Variants in NYAP2 observed in about 807,000 individuals in gnomAD.
NYAP2 encodes the protein neuronal tyrosine-phosphorylated phosphoinositide-3-kinase adapter 2.
Under a neutral mutation model 50.4 loss-of-function variants are expected in NYAP2, and 23 were observed. The observed-to-expected ratio is 0.46, with a 90% CI of 0.33 to 0.65. NYAP2 has a LOEUF of 0.65. Among genes scored for constraint, NYAP2 ranks in the 30% least tolerant of loss-of-function variants. NYAP2 has a pLI of 0.02. For synonymous variants in NYAP2, 394 were observed against 365.2 expected, an observed-to-expected ratio of 1.08 and a Z score of -0.90; for missense variants, 885 against 861.0, an observed-to-expected ratio of 1.03 and a Z score of -0.35.
At chr2:225,668,038 A>G in the NYAP2 span, among the ~76,000 whole-genome samples, 1 of 152,088 alleles carries the variant, frequency 6.6e-6, no homozygotes, top group Non-Finnish European at 1.5e-5. Flanking sequence ...AATCTCTACA[A>G]GGGCCCCAAT....
At chr2:225,644,325 T>C (rs1693588649) in intron 6 of NYAP2, among the ~76,000 whole-genome samples, 1 of 151,978 alleles carries the variant, frequency 6.6e-6, no homozygotes, top group Non-Finnish European at 1.5e-5. Context: ...GAGTTCATTG[T>C]AGATTCTGGA....
chr2:225,646,881 G>A (rs182282603), intron 6 of NYAP2, among the ~76,000 whole-genome samples: 1 of 152,240 alleles, frequency 6.6e-6, no homozygotes, highest in Non-Finnish European at 1.5e-5. Flanking sequence ...TGGGGGTAGA[G>A]CAAGACGTTT....
At chr2:225,465,470 A>C (rs1261273651) in intron 3 of NYAP2, among the ~76,000 whole-genome samples, 1 of 152,098 alleles carries the variant, frequency 6.6e-6, no homozygotes, top group African/African-American at 2.4e-5. Flanking sequence ...TAATCACAGC[A>C]CTTTGGGAGG....
intron 2 of NYAP2, among the ~76,000 whole-genome samples, chr2:225,401,254 C>T (rs1365802273): frequency 6.6e-6 from 1 of 152,030 alleles, no homozygotes; most frequent in African/African-American, 2.4e-5. Flanking sequence ...CCCTTACCCA[C>T]TTAGTTACAT....
chr2:225,600,665 A>C (rs1367114193), intron 5 of NYAP2, among the ~76,000 whole-genome samples: 1 of 152,184 alleles, frequency 6.6e-6, no homozygotes, highest in Non-Finnish European at 1.5e-5. Flanking sequence ...CATCAGTTTC[A>C]CAATCATCAC....
the NYAP2 span, chr2:225,702,584 T>C: frequency 6.6e-6 from 1 of 151,678 alleles, no homozygotes; most frequent in African/African-American, 2.4e-5. Context: ...AATATGTTTA[T>C]GTGTAAGCCT....
intron 2 of NYAP2, among the ~76,000 whole-genome samples, chr2:225,408,462 A>AATTGT (rs1201014938): frequency 1.4e-4 from 22 of 152,190 alleles, no homozygotes; most frequent in Admixed American, 1.4e-3. Flanking sequence ...TTTTACTTGA[A>AATTGT]ATTGAACAGA....
At chr2:225,623,058 A>G (rs1389095505) in intron 5 of NYAP2, among the ~76,000 whole-genome samples, 3 of 152,260 alleles carry the variant, frequency 2.0e-5, no homozygotes, top group Admixed American at 6.5e-5. Context: ...TAGACTTCAT[A>G]TACTTGATTT....
chr2:225,547,821 G>A (rs960915345), intron 4 of NYAP2, among the ~76,000 whole-genome samples: 5 of 152,164 alleles, frequency 3.3e-5, no homozygotes, highest in Non-Finnish European at 4.4e-5. Context: ...GCTATTTTGT[G>A]TGTAGACAGT....
At chr2:225,572,330 G>T (rs1692087452) in intron 4 of NYAP2, among the ~76,000 whole-genome samples, 2 of 152,150 alleles carry the variant, frequency 1.3e-5, no homozygotes, top group African/African-American at 4.8e-5. Context: ...ATAAAGAACT[G>T]CCTGAGACTG....
rs933063222 is a variant in NYAP2 at position 225,582,869 on chromosome 2, G to A, written c.1452G>A (p.Gly484=). 6.2e-7 allele frequency: 1 copy of A among 1,613,732 alleles called. No individual in the cohort carries two copies. The highest frequency in any genetic ancestry group is 8.5e-7 in the Non-Finnish European group (1 of 1,179,870). Residue 484 remains glycine (G), a synonymous_variant, in exon 5 of 7, where the codon GGG becomes GGA. Coordinates refer to ENST00000636099, the Ensembl canonical transcript of NYAP2. This position sits in a 1 kb window ranked among gnomAD's most constrained non-coding sequence, Gnocchi z 7.0. ...CCCCCAGACCCGTGTCGCAAGATGGGGCCAAGATGGTCAACGCCGCGGTGA... is the reference window on the plus strand; with the variant it reads ...CCCCCAGACCCGTGTCGCAAGATGGAGCCAAGATGGTCAACGCCGCGGTGA...
chr2:225,513,613 C>G lies in NYAP2; in HGVS notation c.464C>G (p.Ser155Ter). The G allele has an allele frequency of 6.4e-7, 1 of 1,556,288 alleles. No homozygotes were observed. Among genetic ancestry groups the G allele is most frequent in the Non-Finnish European group, 8.7e-7 (1 of 1,151,098 alleles). Residue 155 changes from serine (S) to a stop codon, truncating the protein, a stop_gained, in exon 4 of 7, where the codon TCA becomes TGA. Transcript: ENST00000636099. LOFTEE classifies it high-confidence loss of function. ...CCCAGCACCAAGCTGAGCACCTCAT[C>G]AGAGACAGTCAGCAGCACTGCAGCC...
chr2:225,574,399 G>A (rs1451827971), intron 4 of NYAP2, among the ~76,000 whole-genome samples: 1 of 152,134 alleles, frequency 6.6e-6, no homozygotes, highest in Non-Finnish European at 1.5e-5. Context: ...AAAAAAGATT[G>A]TTGATAAGGG....
intron 5 of NYAP2, among the ~76,000 whole-genome samples, chr2:225,625,154 A>G (rs1230720451): frequency 2.6e-5 from 4 of 151,958 alleles, no homozygotes; most frequent in Non-Finnish European, 5.9e-5. Context: ...GAATTTTACA[A>G]CTTGTGATTA....
the NYAP2 span, chr2:225,702,720 G>A: frequency 4.0e-5 from 6 of 151,538 alleles, no homozygotes; most frequent in East Asian, 5.8e-4. Context: ...TTGATATTTG[G>A]GTCAATTACA....
At chr2:225,409,294 A>G (rs1694993446) in intron 3 of NYAP2, among the ~76,000 whole-genome samples, 193 bp downstream of exon 3, 1 of 151,978 alleles carries the variant, frequency 6.6e-6, no homozygotes, top group African/African-American at 2.4e-5. Context: ...TTAGTTAACA[A>G]AAGTTATTTC....
chr2:225,652,865 T>G (rs1039829939), exon 7 of NYAP2: 1 of 152,228 alleles, frequency 6.6e-6, no homozygotes, highest in African/African-American at 2.4e-5. Context: ...GACTTAAATA[T>G]GCAAAATAGT....
intron 3 of NYAP2, among the ~76,000 whole-genome samples, chr2:225,486,207 A>T (rs1473267237): frequency 1.3e-5 from 2 of 152,138 alleles, no homozygotes; most frequent in Non-Finnish European, 2.9e-5. Flanking sequence ...AAAAGAGGAG[A>T]CCCAGATTTT....
At chr2:225,644,248 A>C (rs1693587289) in intron 6 of NYAP2, among the ~76,000 whole-genome samples, 4 of 152,192 alleles carry the variant, frequency 2.6e-5, no homozygotes. Context: ...TCTTTTGAGA[A>C]GTGTCTGTTC....
Sources: allele counts gnomAD v4.1 joint callset (sites outside exome capture counted in the v4.1 genomes callset), GRCh38; gene constraint gnomAD v4.1.1; non-coding constraint Gnocchi (gnomAD v3.1); transcripts MANE v1.5; gene names NCBI Gene and HGNC (gene_info 2026-07-23, HGNC 2026-07-21).